Variants in TP63 observed in about 807,000 individuals in gnomAD.
The protein encoded by TP63 is tumor protein 63.
A neutral mutation model predicts 82.8 loss-of-function variants in TP63; 17 were observed. That is an observed-to-expected ratio of 0.21 (90% CI 0.14 to 0.31). The LOEUF (loss-of-function observed/expected upper bound fraction) is 0.31, where lower values mean the gene tolerates loss of function less well. Ranked by LOEUF, TP63 falls within the 10% of genes least tolerant of loss-of-function variation. The pLI, the probability that TP63 is intolerant of heterozygous loss-of-function variation, is 1.00. For missense variants in TP63, 648 were observed against 895.3 expected (o/e 0.72, Z 3.52); for synonymous variants, 330 against 321.7 (o/e 1.03, Z -0.28).
intron 3 of TP63, among the ~76,000 whole-genome samples, chr3:189,752,386 G>A (rs979760118): frequency 6.6e-5 from 10 of 152,000 alleles, no homozygotes. Context: ...CGTGTTCACT[G>A]TTCAGACTGG....
chr3:189,629,179 A>T (rs779127836), upstream of TP63, among the ~76,000 whole-genome samples: 1 of 151,956 alleles, frequency 6.6e-6, no homozygotes, highest in Non-Finnish European at 1.5e-5. Context: ...GCAGTTTGAG[A>T]CCAGTCAGGG....
chr3:189,685,183 C>T (rs560884397), intron 1 of TP63, among the ~76,000 whole-genome samples: 25 of 152,162 alleles, frequency 1.6e-4, no homozygotes, highest in Non-Finnish European at 3.2e-4. Flanking sequence ...ACCAAAAGTA[C>T]TTCAAAAAGG....
intron 3 of TP63, among the ~76,000 whole-genome samples, chr3:189,782,456 A>G (rs1724300345): frequency 6.6e-6 from 1 of 152,184 alleles, no homozygotes; most frequent in African/African-American, 2.4e-5. Context: ...TGGAATATAT[A>G]GTTTTAATCC....
chr3:189,617,111 T>C, the TP63 span, among the ~76,000 whole-genome samples: 1 of 152,336 alleles, frequency 6.6e-6, no homozygotes, highest in South Asian at 2.1e-4. Flanking sequence ...GGAATCTAAA[T>C]CTTCATGGGG....
At chr3:189,845,415 T>C (rs6781069) in intron 4 of TP63, among the ~76,000 whole-genome samples, 44,335 of 152,016 alleles carry the variant, frequency 0.29, 8,410 homozygotes, top group African/African-American at 0.54. Context: ...TATTTTCTTA[T>C]AACAGTGATG....
At chr3:189,684,114 C>T (rs899964115) in intron 1 of TP63, among the ~76,000 whole-genome samples, 1 of 152,134 alleles carries the variant, frequency 6.6e-6, no homozygotes, top group Non-Finnish European at 1.5e-5. Flanking sequence ...AATATAACAA[C>T]ACCTTAAGAT....
At chr3:189,655,561 G>T (rs1422450620) in intron 1 of TP63, among the ~76,000 whole-genome samples, 1 of 152,164 alleles carries the variant, frequency 6.6e-6, no homozygotes, top group African/African-American at 2.4e-5. Context: ...GGTGGAGGTT[G>T]CAGTGAGGTG....
intron 3 of TP63, among the ~76,000 whole-genome samples, chr3:189,741,279 A>G (rs578243076): frequency 6.6e-6 from 1 of 152,230 alleles, no homozygotes; most frequent in Admixed American, 6.5e-5. Context: ...GACTATTCCA[A>G]CATTTTTATA....
At chr3:189,648,437 C>T (rs1712604305) in intron 1 of TP63, among the ~76,000 whole-genome samples, 1 of 147,286 alleles carries the variant, frequency 6.8e-6, no homozygotes, top group Non-Finnish European at 1.5e-5. Flanking sequence ...ACCTAGGCCA[C>T]AGGCTGGCAC....
intron 10 of TP63, among the ~76,000 whole-genome samples, chr3:189,884,823 G>T (rs1474947604): frequency 6.6e-6 from 1 of 152,174 alleles, no homozygotes; most frequent in Non-Finnish European, 1.5e-5. Context: ...ACAGCATATT[G>T]TTTGCATTCA....
chr3:189,667,284 C>T (rs1714486585), intron 1 of TP63, among the ~76,000 whole-genome samples: 1 of 149,948 alleles, frequency 6.7e-6, no homozygotes, highest in Admixed American at 6.7e-5. Flanking sequence ...AAGAGATTCT[C>T]CTGCCTCAGC....
intron 12 of TP63, among the ~76,000 whole-genome samples, chr3:189,890,343 G>T (rs1374477082): frequency 2.6e-5 from 4 of 152,152 alleles, no homozygotes; most frequent in African/African-American, 9.7e-5. Context: ...ACTTAATGGA[G>T]TAGAGGCCTA....
intron 1 of TP63, among the ~76,000 whole-genome samples, chr3:189,707,552 A>G (rs1163451405): frequency 6.6e-6 from 1 of 152,196 alleles, no homozygotes; most frequent in Non-Finnish European, 1.5e-5. Context: ...TCAGAGGATA[A>G]GGATATATTT....
chr3:189,691,236 G>C (rs1175730534), intron 1 of TP63, among the ~76,000 whole-genome samples: 1 of 150,428 alleles, frequency 6.6e-6, no homozygotes, highest in Non-Finnish European at 1.5e-5. Context: ...CTACTCGGGA[G>C]GCTGACACAG....
chr3:189,735,836 A>AAT (rs1242472976), intron 1 of TP63, among the ~76,000 whole-genome samples: 1 of 151,246 alleles, frequency 6.6e-6, no homozygotes, highest in Non-Finnish European at 1.5e-5. Context: ...TATAAAATGA[A>AAT]ATACACACAC....
the TP63 span, among the ~76,000 whole-genome samples, chr3:189,623,845 A>C: frequency 1.0e-5 from 1 of 95,704 alleles, no homozygotes; most frequent in Non-Finnish European, 2.4e-5. Context: ...TGGAAGACTC[A>C]GTATGTATTA....
the TP63 span, among the ~76,000 whole-genome samples, chr3:189,600,751 AC>A: frequency 1.3e-5 from 2 of 152,206 alleles, no homozygotes; most frequent in Non-Finnish European, 2.9e-5. Flanking sequence ...TAGGGATTTT[AC>A]AAAAGTAGGT....
intron 3 of TP63, among the ~76,000 whole-genome samples, chr3:189,795,770 A>G (rs905990035): frequency 2.6e-5 from 4 of 152,080 alleles, no homozygotes; most frequent in African/African-American, 4.8e-5. Context: ...ACCAGTGTTC[A>G]GAATTCGAGA....
intron 10 of TP63, chr3:189,880,684 C>G: frequency 1.0e-6 from 1 of 985,334 alleles, no homozygotes; most frequent in Non-Finnish European, 1.2e-6. Flanking sequence ...TAATGCTGGT[C>G]ATGTAATAAT....
Sources: allele counts gnomAD v4.1 joint callset (sites outside exome capture counted in the v4.1 genomes callset), GRCh38; gene constraint gnomAD v4.1.1; transcripts MANE v1.5; gene names NCBI Gene and HGNC (gene_info 2026-07-23, HGNC 2026-07-21).